Variants in CT45A1 observed in about 807,000 individuals in gnomAD.
CT45A1 encodes the protein cancer/testis antigen family 45 member A1, also known as cancer/testis antigen 45-1.
upstream of CT45A1, among the ~76,000 whole-genome samples, chrX:135,712,971 T>TTCTTTCTTTC (rs2087945647): frequency 1.3e-5 from 1 of 74,731 alleles, no homozygotes; most frequent in African/African-American, 4.9e-5. Context: ...CTTTCTTTCT[T>TTCTTTCTTTC]TCTTTTCTTT....
chrX:135,712,179 CTTTTTTTTTT>C (rs782572662), upstream of CT45A1, among the ~76,000 whole-genome samples: 16 of 48,423 alleles, frequency 3.3e-4, no homozygotes, highest in African/African-American at 1.3e-3. Flanking sequence ...TTTTTTCTTT[CTTTTTTTTTT>C]TTTTTTTTTT....
intron 1 of CT45A1, among the ~76,000 whole-genome samples, chrX:135,714,860 T>C (rs1292281055): frequency 9.3e-6 from 1 of 107,170 alleles, no homozygotes; most frequent in Middle Eastern, 4.7e-3. Flanking sequence ...TGAGCACCAT[T>C]TTATGTGTTT....
At chrX:135,712,914 CTTTCTTTTCT>C (rs1159890739), upstream of CT45A1, among the ~76,000 whole-genome samples, 1 of 102,211 alleles carries the variant, frequency 9.8e-6, no homozygotes, top group Non-Finnish European at 2.0e-5. Flanking sequence ...TTCTTTCTTT[CTTTCTTTTCT>C]TTTCTTTTCT....
At chrX:135,713,204 AT>A (rs1187944139), upstream of CT45A1, among the ~76,000 whole-genome samples, 9 of 96,826 alleles carry the variant, frequency 9.3e-5, no homozygotes, top group African/African-American at 3.1e-4. Context: ...TGCCCAGCTA[AT>A]TTTTGTGTGT....
intron 1 of CT45A1, among the ~76,000 whole-genome samples, chrX:135,718,343 T>C (rs142611452): frequency 0.057 from 6,379 of 111,146 alleles, 144 homozygotes; most frequent in Non-Finnish European, 0.065. Flanking sequence ...AGGGGTGATA[T>C]TGGCTTGTAT....
At chrX:135,712,996 C>CCTTCCTTCCTCTCT (rs1156263810), upstream of CT45A1, among the ~76,000 whole-genome samples, 2 of 57,600 alleles carry the variant, frequency 3.5e-5, no homozygotes, top group African/African-American at 1.3e-4. Context: ...TTCCTTCCTT[C>CCTTCCTTCCTCTCT]CTCTCTCTCT....
At chrX:135,711,518 T>C (rs1471516214), upstream of CT45A1, among the ~76,000 whole-genome samples, 1 of 111,404 alleles carries the variant, frequency 9.0e-6, no homozygotes, top group Non-Finnish European at 1.9e-5. Context: ...CACTGAAGCT[T>C]GTGCCTCCCA....
At chrX:135,711,720 G>A (rs140120346), upstream of CT45A1, among the ~76,000 whole-genome samples, 241 of 111,754 alleles carry the variant, frequency 2.2e-3, no homozygotes, top group African/African-American at 7.4e-3. Flanking sequence ...CAAAACTTTC[G>A]CTGTAATATT....
upstream of CT45A1, among the ~76,000 whole-genome samples, chrX:135,712,879 ATGT>A (rs1556569986): frequency 2.8e-5 from 3 of 108,327 alleles, no homozygotes; most frequent in Non-Finnish European, 3.9e-5. Context: ...CAGTTTGTTG[ATGT>A]TGTCGTTTCT....
At chrX:135,709,615 A>C (rs782768198), upstream of CT45A1, among the ~76,000 whole-genome samples, 10 of 112,196 alleles carry the variant, frequency 8.9e-5, no homozygotes, top group Non-Finnish European at 1.7e-4. Flanking sequence ...AGATAATCAG[A>C]AAATGAGATA....
chrX:135,709,205 A>G (rs868995309), upstream of CT45A1, among the ~76,000 whole-genome samples: 5 of 112,221 alleles, frequency 4.5e-5, no homozygotes, highest in Admixed American at 4.7e-4. Context: ...GGCTCACTGC[A>G]ACCTCCACCT....
upstream of CT45A1, among the ~76,000 whole-genome samples, chrX:135,711,735 G>A (rs2087934302): frequency 8.9e-6 from 1 of 111,769 alleles, no homozygotes; most frequent in Non-Finnish European, 1.9e-5. Context: ...AATATTTTTT[G>A]CCACTATGAA....
upstream of CT45A1, among the ~76,000 whole-genome samples, chrX:135,711,753 A>G (rs1289249327): frequency 8.9e-6 from 1 of 112,375 alleles, no homozygotes; most frequent in Non-Finnish European, 1.9e-5. Context: ...GAACAATTCA[A>G]GTAAATTTTG....
At chrX:135,709,205 A>C (rs868995309), upstream of CT45A1, among the ~76,000 whole-genome samples, 1 of 112,169 alleles carries the variant, frequency 8.9e-6, no homozygotes, top group Non-Finnish European at 1.9e-5. Flanking sequence ...GGCTCACTGC[A>C]ACCTCCACCT....
chrX:135,717,197 T>G (rs1383995091), intron 1 of CT45A1, among the ~76,000 whole-genome samples: 3 of 112,041 alleles, frequency 2.7e-5, no homozygotes, highest in African/African-American at 9.7e-5. Flanking sequence ...ATTTTAAATA[T>G]GATTGCTAGG....
At chrX:135,711,559 C>T (rs1206086326), upstream of CT45A1, among the ~76,000 whole-genome samples, 3 of 111,190 alleles carry the variant, frequency 2.7e-5, no homozygotes, top group East Asian at 5.6e-4. Context: ...CTCTGCCTCC[C>T]GAGTAGCTGG....
chrX:135,713,768 T>G (rs1556570326), intron 1 of CT45A1, 78 bp downstream of exon 1: 1 of 632,683 alleles, frequency 1.6e-6, no homozygotes, highest in Non-Finnish European at 1.9e-6. Flanking sequence ...TCCTTTTTCC[T>G]CAGAAAGAGT....
At chrX:135,712,414 T>C (rs1471097908), upstream of CT45A1, among the ~76,000 whole-genome samples, 2 of 109,923 alleles carry the variant, frequency 1.8e-5, no homozygotes, top group East Asian at 5.7e-4. Flanking sequence ...CTACCCACCT[T>C]GGCCTCCCAA....
chrX:135,711,835 C>A (rs1296253554), upstream of CT45A1, among the ~76,000 whole-genome samples: 9 of 111,501 alleles, frequency 8.1e-5, 1 homozygote, highest in African/African-American at 2.3e-4. Flanking sequence ...AATCCCAGCA[C>A]TTTTGGAGGC....
Sources: gnomAD v4.1 joint callset for allele counts (sites outside exome capture counted in the v4.1 genomes callset) on GRCh38, gnomAD v4.1.1 for gene constraint, MANE v1.5 for transcripts, NCBI Gene and HGNC (gene_info 2026-07-23, HGNC 2026-07-21) for gene names.